RAPGEF4: variants seen among roughly 807,000 people sequenced by gnomAD.
RAPGEF4 encodes Rap guanine nucleotide exchange factor 4.
Under a neutral mutation model 147.9 loss-of-function variants are expected in RAPGEF4, and 66 were observed. That is an observed-to-expected ratio of 0.45 (90% CI 0.37 to 0.55). RAPGEF4 has a LOEUF of 0.55. RAPGEF4 is among the 20% of genes least tolerant of loss of function. RAPGEF4 has a pLI of 0.00. For missense variants in RAPGEF4, 1,071 were observed against 1,257.3 expected (o/e 0.85, Z 2.24); for synonymous variants, 419 against 442.7 (o/e 0.95, Z 0.67).
chr2:172,776,295 C>T (rs1012355650), intron 1 of RAPGEF4, among the ~76,000 whole-genome samples: 15 of 152,142 alleles, frequency 9.9e-5, no homozygotes, highest in African/African-American at 3.6e-4. Context: ...AATAGTATCA[C>T]TTCCATCACT....
intron 17 of RAPGEF4, among the ~76,000 whole-genome samples, chr2:173,008,165 C>G (rs947989338): frequency 6.6e-6 from 1 of 152,154 alleles, no homozygotes; most frequent in African/African-American, 2.4e-5. Context: ...ACTTCTCCTT[C>G]TTGGTGCCAT....
chr2:172,820,605 A>C (rs1325106611), intron 4 of RAPGEF4, among the ~76,000 whole-genome samples: 1 of 152,190 alleles, frequency 6.6e-6, no homozygotes, highest in Admixed American at 6.5e-5. Context: ...TCACTGCTCA[A>C]ATGTGTCTGT....
chr2:172,984,633 G>T (rs1016829193), intron 11 of RAPGEF4, among the ~76,000 whole-genome samples: 5 of 152,190 alleles, frequency 3.3e-5, no homozygotes, highest in African/African-American at 1.2e-4. Flanking sequence ...CATAGATGTA[G>T]TGCCTGGGAG....
chr2:172,983,484 T>TA lies in RAPGEF4; in HGVS notation c.1005-12_1005-11insA. Reference sequence around the variant, plus strand: ...TTTTTCCATATTCCTTTTTTTTTTTTTATCTTTGTAGACCTGGCCAGAGGA... The same window carrying TA: ...TTTTTCCATATTCCTTTTTTTTTTTTATATCTTTGTAGACCTGGCCAGAGGA... On this transcript the variant is annotated splice_polypyrimidine_tract_variant and intron_variant, in intron 10 of 30. Transcript: ENST00000397081. 6.3e-7 allele frequency: 1 copy of TA among 1,584,734 alleles called. No individual in the cohort carries two copies. The highest frequency in any genetic ancestry group is 8.5e-7 in the Non-Finnish European group (1 of 1,173,120).
intron 1 of RAPGEF4, among the ~76,000 whole-genome samples, chr2:172,785,418 C>T (rs547318599): frequency 1.9e-4 from 29 of 152,140 alleles, no homozygotes; most frequent in Non-Finnish European, 2.6e-4. Flanking sequence ...ATGATGACGA[C>T]GGTGGTACTA....
chr2:172,801,855 A>C (rs1188676310), intron 3 of RAPGEF4, among the ~76,000 whole-genome samples: 3 of 152,126 alleles, frequency 2.0e-5, no homozygotes, highest in Non-Finnish European at 4.4e-5. Flanking sequence ...TGTCTGATGC[A>C]GCTCTGAGCC....
chr2:173,026,787 A>G lies in RAPGEF4; in HGVS notation c.2379+90A>G, dbSNP rs1438793313. ...TAGTTTGTAAGTGCTAATATGTGCTACAATATGGAAACCACATGACCATTT... is the reference window on the plus strand; with the variant it reads ...TAGTTTGTAAGTGCTAATATGTGCTGCAATATGGAAACCACATGACCATTT... On this transcript the variant is annotated intron_variant, in intron 24 of 30. Transcript: ENST00000397081. 2.0e-6 allele frequency: 3 copies of G among 1,499,920 alleles called. No individual in the cohort carries two copies. The Admixed American group carries it at 6.2e-5, about 31-fold the overall frequency. The allele number at this position is 1,499,920 out of a possible 1,614,324, so 92.9% of individuals were successfully genotyped here. A position where few individuals can be genotyped will look rare whatever the true frequency, so the allele number is the denominator to read the frequency against.
At chr2:173,005,696 T>A (rs1245754580) in intron 17 of RAPGEF4, among the ~76,000 whole-genome samples, 1 of 152,046 alleles carries the variant, frequency 6.6e-6, no homozygotes, top group Non-Finnish European at 1.5e-5. Flanking sequence ...CTAATTTTTT[T>A]ATTTTTAGTA....
chr2:172,999,197 C>A (rs561187632), intron 16 of RAPGEF4, among the ~76,000 whole-genome samples: 2 of 152,276 alleles, frequency 1.3e-5, no homozygotes, highest in South Asian at 4.1e-4. Context: ...AGAGACTAGG[C>A]TAACATCATA....
chr2:173,030,177 A>G lies in RAPGEF4; in HGVS notation c.2572A>G (p.Lys858Glu), dbSNP rs1243858891. The G allele has an allele frequency of 6.2e-7, 1 of 1,612,092 alleles. No homozygotes were observed. The highest frequency in any genetic ancestry group is 8.5e-7 in the Non-Finnish European group (1 of 1,178,106). The change falls in exon 26 of 31, where the codon AAA becomes GAA. Residue 858 changes from lysine to glutamate, a missense_variant. Coordinates refer to ENST00000397081, the MANE Select transcript of RAPGEF4 (RefSeq NM_007023.4). ...IKIAAHCKEYKNLNSFFAIVM... is the reference protein window; with the variant it reads ...IKIAAHCKEYENLNSFFAIVM... ...CCTGTGTTTCAGCTGTAAGGAGTAT[A>G]AAAATCTGAATTCCTTTTTTGCCAT... is the stretch of plus-strand genomic sequence containing the variant.
intron 4 of RAPGEF4, among the ~76,000 whole-genome samples, chr2:172,914,642 TAGAA>T (rs147950162): frequency 0.2 from 30,250 of 150,942 alleles, 3,845 homozygotes; most frequent in Middle Eastern, 0.29. Flanking sequence ...GAAAGAAATA[TAGAA>T]AGAAAGAAAG....
At chr2:172,809,628 T>G (rs1439594571) in intron 3 of RAPGEF4, among the ~76,000 whole-genome samples, 4 of 152,148 alleles carry the variant, frequency 2.6e-5, no homozygotes, top group Non-Finnish European at 2.9e-5. Context: ...GCTCCTGGAA[T>G]TAAGGGATCC....
intron 3 of RAPGEF4, among the ~76,000 whole-genome samples, chr2:172,803,311 G>T (rs936103110): frequency 1.3e-5 from 2 of 152,208 alleles, no homozygotes; most frequent in African/African-American, 4.8e-5. Context: ...CTAGGCAGAG[G>T]TTCCCAAACC....
intron 4 of RAPGEF4, chr2:172,917,474 A>G: frequency 1.6e-6 from 1 of 607,988 alleles, no homozygotes; most frequent in Non-Finnish European, 3.1e-6. Flanking sequence ...TCCCTCTACA[A>G]AAAGCTGAGC....
chr2:172,744,527 T>A, intron 1 of RAPGEF4: 1 of 378,790 alleles, frequency 2.6e-6, no homozygotes, highest in Non-Finnish European at 5.3e-6. Flanking sequence ...AACCCCAGTT[T>A]TAATTTTATT....
chr2:172,830,939 C>G (rs1238565280), intron 4 of RAPGEF4, among the ~76,000 whole-genome samples: 2 of 152,200 alleles, frequency 1.3e-5, no homozygotes, highest in African/African-American at 4.8e-5. Flanking sequence ...GAAGCAACCA[C>G]TGTTATGGGT....
chr2:172,923,244 A>G (rs1182302690), intron 6 of RAPGEF4, among the ~76,000 whole-genome samples: 3 of 152,152 alleles, frequency 2.0e-5, no homozygotes, highest in Non-Finnish European at 4.4e-5. Context: ...CTATAGGACT[A>G]CAAACTTGGG....
intron 4 of RAPGEF4, among the ~76,000 whole-genome samples, chr2:172,898,537 C>A (rs77565258): frequency 0.036 from 5,504 of 152,208 alleles, 171 homozygotes; most frequent in East Asian, 0.17. Flanking sequence ...TCCCTGACAC[C>A]CATGGGTGAG....
chr2:172,736,342 T>C, intron 1 of RAPGEF4: 1 of 250,380 alleles, frequency 4.0e-6, no homozygotes, highest in Non-Finnish European at 7.6e-6. Context: ...CAGGCTCCGC[T>C]CCTGGGTGGG....
Sources: gnomAD v4.1 joint callset for allele counts (sites outside exome capture counted in the v4.1 genomes callset) on GRCh38, gnomAD v4.1.1 for gene constraint, MANE v1.5 for transcripts, NCBI Gene and HGNC (gene_info 2026-07-23, HGNC 2026-07-21) for gene names.